The following PLCB1 variants were observed in gnomAD, a reference collection of about 807,000 sequenced individuals.
PLCB1 encodes 1-phosphatidylinositol 4,5-bisphosphate phosphodiesterase beta-1.
A neutral mutation model predicts 161.8 loss-of-function variants in PLCB1; 46 were observed. The observed-to-expected ratio is 0.28, with a 90% CI of 0.22 to 0.36. PLCB1 has a LOEUF of 0.36. Ranked by LOEUF, PLCB1 falls within the 10% of genes least tolerant of loss-of-function variation. The pLI is 1.00. For missense variants in PLCB1, 1,016 were observed against 1,472.5 expected, an observed-to-expected ratio of 0.69 and a Z score of 5.07; for synonymous variants, 517 against 503.7, an observed-to-expected ratio of 1.03 and a Z score of -0.35.
intron 24 of PLCB1, among the ~76,000 whole-genome samples, chr20:8,759,272 T>C (rs755547277): frequency 9.2e-5 from 14 of 152,212 alleles, no homozygotes; most frequent in Non-Finnish European, 1.5e-4. Context: ...GGATATATGA[T>C]GTTGCTGGGT....
intron 3 of PLCB1, among the ~76,000 whole-genome samples, chr20:8,547,318 A>G (rs1279508323): frequency 6.6e-6 from 1 of 152,194 alleles, no homozygotes; most frequent in Non-Finnish European, 1.5e-5. Flanking sequence ...AGATATGGAT[A>G]TTATCAAAGG....
chr20:8,289,019 C>T (rs976482822), intron 2 of PLCB1, among the ~76,000 whole-genome samples: 12 of 152,102 alleles, frequency 7.9e-5, no homozygotes, highest in Admixed American at 1.3e-4. Flanking sequence ...TGAGTAGGGG[C>T]GGGATGAGGT....
At chr20:8,802,244 G>A (rs1046509001) in intron 31 of PLCB1, 34 of 774,870 alleles carry the variant, frequency 4.4e-5, no homozygotes, top group South Asian at 1.6e-5. Flanking sequence ...CAGGCATCAC[G>A]GACTTGCTCG....
At chr20:8,705,117 A>G (rs576618789) in intron 11 of PLCB1, among the ~76,000 whole-genome samples, 4 of 151,940 alleles carry the variant, frequency 2.6e-5, no homozygotes, top group Non-Finnish European at 5.9e-5. Context: ...AGAGACACCC[A>G]GAAGAATGTT....
chr20:8,497,225 A>T (rs1391990750), intron 3 of PLCB1, among the ~76,000 whole-genome samples: 2 of 152,142 alleles, frequency 1.3e-5, no homozygotes, highest in Non-Finnish European at 2.9e-5. Flanking sequence ...TGAAAAATCT[A>T]CCTCTTATCT....
chr20:8,747,141 C>T (rs6056056), intron 23 of PLCB1, among the ~76,000 whole-genome samples: 99,085 of 152,124 alleles, frequency 0.65, 32,522 homozygotes, highest in East Asian at 0.83. Context: ...TTACCTTAAA[C>T]AGTAACATCT....
At chr20:8,161,107 C>A (rs575363682) in intron 2 of PLCB1, among the ~76,000 whole-genome samples, 3 of 151,906 alleles carry the variant, frequency 2.0e-5, no homozygotes, top group Admixed American at 6.6e-5. Context: ...TTATCCTTGC[C>A]AGACACAATT....
At chr20:8,248,995 A>G (rs1600261076) in intron 2 of PLCB1, among the ~76,000 whole-genome samples, 1 of 152,110 alleles carries the variant, frequency 6.6e-6, no homozygotes, top group African/African-American at 2.4e-5. Context: ...AGGAAAGACC[A>G]ACTTAAAAAG....
intron 14 of PLCB1, among the ~76,000 whole-genome samples, chr20:8,721,947 GA>G (rs570986974): frequency 1.4e-3 from 2 of 1,464 alleles, no homozygotes; most frequent in African/African-American, 0.012. Flanking sequence ...AGGAGGGATA[GA>G]TAGTATATCT....
At chr20:8,281,630 T>C (rs1222344381) in intron 2 of PLCB1, among the ~76,000 whole-genome samples, 3 of 152,196 alleles carry the variant, frequency 2.0e-5, no homozygotes, top group Non-Finnish European at 2.9e-5. Flanking sequence ...GGCTTAGAAC[T>C]TGCATGAAGA....
chr20:8,848,205 C>A (rs1250164105), intron 31 of PLCB1, among the ~76,000 whole-genome samples: 1 of 152,210 alleles, frequency 6.6e-6, no homozygotes, highest in Non-Finnish European at 1.5e-5. Flanking sequence ...AATCATAGCA[C>A]AGGACAAGGT....
At chr20:8,499,206 C>T (rs765125118) in intron 3 of PLCB1, among the ~76,000 whole-genome samples, 2 of 152,170 alleles carry the variant, frequency 1.3e-5, no homozygotes, top group Non-Finnish European at 2.9e-5. Flanking sequence ...ACTATAATAG[C>T]TTATGTGCTT....
chr20:8,308,167 A>G (rs542154062), intron 2 of PLCB1, among the ~76,000 whole-genome samples: 1 of 152,162 alleles, frequency 6.6e-6, no homozygotes, highest in Admixed American at 6.5e-5. Context: ...ACCACATGAG[A>G]TAGGAAGACC....
Position 8,481,295 on chromosome 20 carries a change from G to T in PLCB1, c.246+109845G>T, listed in dbSNP as rs368107568. ...TGCCTTCTGATAGAACTGCTAACGA[G>T]CAAAACTAGTACTAGTTAAATAGCA... On this transcript the variant is annotated intron_variant, in intron 3 of 31. Transcript: ENST00000338037. Among the ~76,000 whole-genome samples the T allele has an allele frequency of 6.6e-5, 10 of 152,188 alleles. 1 individual carries two copies. The highest frequency in any genetic ancestry group is 2.4e-4 in the African/African-American group (10 of 41,524).
At chr20:8,679,092 A>G (rs189497446) in intron 9 of PLCB1, among the ~76,000 whole-genome samples, 2 of 152,316 alleles carry the variant, frequency 1.3e-5, no homozygotes, top group East Asian at 3.9e-4. Flanking sequence ...CTTGACACAT[A>G]GAGATGCACC....
intron 29 of PLCB1, among the ~76,000 whole-genome samples, 158 bp from the exon 30 acceptor site, chr20:8,789,360 C>G (rs937363405): frequency 2.0e-5 from 3 of 152,120 alleles, no homozygotes; most frequent in Admixed American, 6.5e-5. Flanking sequence ...CCATGGGCAA[C>G]AGAGCGAAAC....
At chr20:8,258,440 G>C (rs957593414) in intron 2 of PLCB1, among the ~76,000 whole-genome samples, 1 of 152,092 alleles carries the variant, frequency 6.6e-6, no homozygotes, top group African/African-American at 2.4e-5. Flanking sequence ...TCTCATTCGT[G>C]GGTTTACATT....
intron 2 of PLCB1, among the ~76,000 whole-genome samples, chr20:8,174,033 A>G (rs1448473989): frequency 6.6e-6 from 1 of 152,182 alleles, no homozygotes; most frequent in East Asian, 1.9e-4. Flanking sequence ...GATTTCTATC[A>G]CTGGAGTTGC....
chr20:8,386,328 A>C (rs958814096), intron 3 of PLCB1, among the ~76,000 whole-genome samples: 1 of 152,236 alleles, frequency 6.6e-6, no homozygotes, highest in East Asian at 1.9e-4. Flanking sequence ...GGGCTACAGA[A>C]TGGATGCGTT....
Sources: allele counts gnomAD v4.1 joint callset (sites outside exome capture counted in the v4.1 genomes callset), GRCh38; gene constraint gnomAD v4.1.1; transcripts MANE v1.5; gene names NCBI Gene and HGNC (gene_info 2026-07-23, HGNC 2026-07-21).